The following CCDC85C variants were observed in gnomAD, a reference collection of about 807,000 sequenced individuals.
CCDC85C encodes coiled-coil domain containing 85C, also known as coiled-coil domain-containing protein 85C.
In CCDC85C, 18 loss-of-function variants were observed where a neutral mutation model predicts 38.3. The observed-to-expected ratio is 0.47, with a 90% confidence interval of 0.33 to 0.70. CCDC85C has a LOEUF of 0.70. Ranked by LOEUF, CCDC85C falls within the 30% of genes least tolerant of loss-of-function variation. The pLI, the probability that CCDC85C is intolerant of heterozygous loss-of-function variation, is 0.03. For missense variants in CCDC85C, 566 were observed against 621.2 expected, an observed-to-expected ratio of 0.91 and a Z score of 0.94; for synonymous variants, 264 against 293.8, an observed-to-expected ratio of 0.90 and a Z score of 1.04.
At chr14:99,530,617 C>G (rs1897474014) in intron 2 of CCDC85C, among the ~76,000 whole-genome samples, 1 of 152,240 alleles carries the variant, frequency 6.6e-6, no homozygotes, top group African/African-American at 2.4e-5. Context: ...GGACAAAGAG[C>G]AGCGGTTCCT....
In CCDC85C at chr14:99,572,645, A is replaced by AG; in HGVS notation, c.793+30521dup. 2.2e-6 allele frequency: 1 copy of AG among 455,506 alleles called. No individual in the cohort carries two copies. The highest frequency in any genetic ancestry group is 2.4e-5 in the Admixed American group (1 of 42,552). The allele number at this position is 455,506 out of a possible 1,614,324, so 28.2% of individuals were successfully genotyped here. A position where few individuals can be genotyped will look rare whatever the true frequency, so the allele number is the denominator to read the frequency against. On this transcript the variant is annotated intron_variant, in intron 1 of 5. Transcript: ENST00000380243. The surrounding 1 kb of genome is among the most constrained non-coding windows in gnomAD (Gnocchi z 4.4). ...AGGGACGACAGCTGCTTATCATCCA[A>AG]GCCCCAGGTGACCTGGCCCCTCCTT... is the stretch of plus-strand genomic sequence containing the variant.
In CCDC85C at chr14:99,516,575, C is replaced by T. The variant is rs534637087; in HGVS notation, c.1072-289G>A. ...CAGGTGGACTCACTGCAACCCAGGG[C>T]CCGCTGGAGATGAGTGGGCACTCGC... On this transcript the variant is annotated intron_variant, in intron 4 of 5. Coordinates refer to ENST00000380243, the MANE Select transcript of CCDC85C (RefSeq NM_001144995.2). This position sits in a 1 kb window ranked among gnomAD's most constrained non-coding sequence, Gnocchi z 5.5. Among the ~76,000 whole-genome samples the T allele has an allele frequency of 6.6e-6, 1 of 152,232 alleles. No individual in the cohort carries two copies. Among genetic ancestry groups the T allele is most frequent in the South Asian group, 2.1e-4 (1 of 4,820 alleles).
chr14:99,559,250 T>C (rs1473716500), intron 1 of CCDC85C, among the ~76,000 whole-genome samples: 1 of 151,724 alleles, frequency 6.6e-6, no homozygotes, highest in African/African-American at 2.4e-5. Context: ...CTGGCCCCGC[T>C]GACACCTTGA....
Position 99,501,611 on chromosome 14 carries a change from T to C in CCDC85C, c.*13635A>G. Reference sequence around the variant, plus strand: ...GAGGGTTTCCTTCTGCCCTGCCGTGTCATGGTGTTGTGAGGTGCTGAAATT... The same window carrying C: ...GAGGGTTTCCTTCTGCCCTGCCGTGCCATGGTGTTGTGAGGTGCTGAAATT... On this transcript the variant is annotated 3_prime_UTR_variant, in exon 6 of 6. Transcript: ENST00000380243. 1 of 569,148 alleles carries C rather than the reference T, an allele frequency of 1.8e-6. No individual in the cohort carries two copies. The allele number at this position is 569,148 out of a possible 1,614,324, so 35.3% of individuals were successfully genotyped here.
chr14:99,571,560 G>A (rs1898344219), intron 1 of CCDC85C, among the ~76,000 whole-genome samples: 1 of 152,228 alleles, frequency 6.6e-6, no homozygotes, highest in South Asian at 2.1e-4. Context: ...ACGTCTGCAG[G>A]GGAGCAGGCG....
chr14:99,553,848 G>A (rs192392349), intron 1 of CCDC85C, among the ~76,000 whole-genome samples: 4 of 152,166 alleles, frequency 2.6e-5, no homozygotes, highest in Non-Finnish European at 2.9e-5. Flanking sequence ...GTCCACCCAC[G>A]GGAACAGCTC....
In CCDC85C at chr14:99,536,017, G is replaced by C; in HGVS notation, c.865C>G (p.Gln289Glu). 6.4e-7 allele frequency: 1 copy of C among 1,551,216 alleles called. No homozygotes were observed. The highest frequency in any genetic ancestry group is 1.4e-5 in the African/African-American group (1 of 73,166). ...RLLEGDKLLA[Q>E]QAGSGEFRTL... ...AGCGCCACCCGAAGCCGGCCTACCT[G>C]TGCGAGGAGCTTGTCACCCTCCAGC... The change falls in exon 2 of 6, where the codon CAG (glutamine) becomes GAG (glutamate). Residue 289 changes from glutamine to glutamate, a missense_variant and splice_region_variant. By Grantham distance (29) the Gln-to-Glu change is conservative (BLOSUM62 2). This residue lies in a region of CCDC85C where 286 missense variants were observed against 276.4 expected (regional missense o/e 1.03). Transcript: ENST00000380243.
At chr14:99,568,322 G>A (rs921915679) in intron 1 of CCDC85C, among the ~76,000 whole-genome samples, 12 of 141,190 alleles carry the variant, frequency 8.5e-5, no homozygotes, top group African/African-American at 2.7e-4. Context: ...GCACGATCTC[G>A]GCTCACTATA....
At chr14:99,580,038 G>A (rs1168578550) in intron 1 of CCDC85C, 1 of 455,610 alleles carries the variant, frequency 2.2e-6, no homozygotes, top group Non-Finnish European at 4.4e-6. Flanking sequence ...TGAGTCACAT[G>A]GGCAGGGCTG....
At chr14:99,560,953 C>A (rs1183707768) in intron 1 of CCDC85C, among the ~76,000 whole-genome samples, 1 of 152,202 alleles carries the variant, frequency 6.6e-6, no homozygotes, top group Non-Finnish European at 1.5e-5. Context: ...GGAGCCTTGC[C>A]AGGGTAAAGC....
At position 99,501,302 on chromosome 14, in the gene CCDC85C, C is replaced by T; in HGVS notation, c.*13944G>A. The T allele has an allele frequency of 8.9e-7, 1 of 1,124,082 alleles. No homozygotes were observed. 69.6% of individuals were successfully genotyped at this position (1,124,082 alleles called of 1,614,324 possible). On this transcript the variant is annotated 3_prime_UTR_variant, in exon 6 of 6. Coordinates refer to ENST00000380243, the MANE Select transcript of CCDC85C (RefSeq NM_001144995.2). Reference sequence around the variant, plus strand: ...GTAGGTTTTTAATAAATACTTGATGCTGCCTGTGAATTTTTCTATTGCTAT... The same window carrying T: ...GTAGGTTTTTAATAAATACTTGATGTTGCCTGTGAATTTTTCTATTGCTAT...
In CCDC85C at chr14:99,513,853, T is replaced by C. The variant is rs1330002908; in HGVS notation, c.*1393A>G. The C allele has an allele frequency of 1.5e-4, 20 of 132,802 alleles. No homozygotes were observed. The highest frequency in any genetic ancestry group is 5.4e-4 in the African/African-American group (19 of 35,316). The allele number at this position is 132,802 out of a possible 1,614,324, so 8.2% of individuals were successfully genotyped here. ...GCTGCAGCTGTGGGATCAAAATCCC[T>C]GTCATGTGCCACACATCACCCCCTC... On this transcript the variant is annotated 3_prime_UTR_variant, in exon 6 of 6. Transcript: ENST00000380243.
intron 1 of CCDC85C, among the ~76,000 whole-genome samples, chr14:99,552,155 G>C (rs1897923950): frequency 1.3e-5 from 2 of 152,244 alleles, no homozygotes; most frequent in East Asian, 3.9e-4. Flanking sequence ...GGCCCGGCTA[G>C]CCTGCGCCCC....
intron 1 of CCDC85C, among the ~76,000 whole-genome samples, chr14:99,593,198 C>T (rs1418909784): frequency 6.6e-6 from 1 of 152,232 alleles, no homozygotes; most frequent in Admixed American, 6.5e-5. Flanking sequence ...GGGAGCACCG[C>T]GCTCAAAGGA....
intron 1 of CCDC85C, among the ~76,000 whole-genome samples, chr14:99,597,658 C>T (rs2055157449): frequency 1.3e-5 from 2 of 152,312 alleles, no homozygotes; most frequent in South Asian, 4.1e-4. Context: ...TAAGAGTTAT[C>T]TCCCCACACA....
rs996242468 is a variant in CCDC85C, at chr14:99,502,147, C to T, written c.*13099G>A. ...TGGTTAGTTATGGCATCTCCATGCA[C>T]TGGTTTAATCATAAATATTAGATCA... is the stretch of plus-strand genomic sequence containing the variant. On this transcript the variant is annotated 3_prime_UTR_variant, in exon 6 of 6. Coordinates refer to ENST00000380243, the MANE Select transcript of CCDC85C (RefSeq NM_001144995.2). 1.3e-6 allele frequency: 2 copies of T among 1,492,402 alleles called. No individual in the cohort carries two copies. Among genetic ancestry groups the T allele is most frequent in the East Asian group, 5.0e-5 (2 of 40,258 alleles). The allele number at this position is 1,492,402 out of a possible 1,614,324, so 92.4% of individuals were successfully genotyped here.
intron 2 of CCDC85C, among the ~76,000 whole-genome samples, chr14:99,525,412 G>C (rs1897365317): frequency 6.6e-6 from 1 of 152,206 alleles, no homozygotes; most frequent in Non-Finnish European, 1.5e-5. Flanking sequence ...CATGGAAACA[G>C]AGCCCACCCA....
chr14:99,515,406 C>T (rs1897206472), intron 5 of CCDC85C, 71 bp from the exon 6 acceptor site: 1 of 1,148,668 alleles, frequency 8.7e-7, no homozygotes, highest in Non-Finnish European at 1.3e-6. Flanking sequence ...ACATCCGCCG[C>T]CTCATCACGG....
rs77182825 is a variant in CCDC85C, at chr14:99,544,709, C to T, written c.794-8621G>A. On this transcript the variant is annotated intron_variant, in intron 1 of 5. Coordinates refer to ENST00000380243, the MANE Select transcript of CCDC85C (RefSeq NM_001144995.2). This position sits in a 1 kb window ranked among gnomAD's most constrained non-coding sequence, Gnocchi z 5.3. ...CATTATCCTTGACCCATCTCTCCTC[C>T]GAGACCTCGCCTCCAAGGGCACCAG... 0.039 allele frequency among the ~76,000 whole-genome samples: 5,906 copies of T among 152,244 alleles called. 176 individuals carry two copies. Among genetic ancestry groups the T allele is most frequent in the Non-Finnish European group, 0.061 (4,177 of 68,006 alleles).
Sources: gnomAD v4.1 joint callset for allele counts (sites outside exome capture counted in the v4.1 genomes callset) on GRCh38, gnomAD v4.1.1 for gene constraint, gnomAD v4.1.1 regional missense constraint, Gnocchi (gnomAD v3.1) non-coding constraint, MANE v1.5 for transcripts, NCBI Gene and HGNC (gene_info 2026-07-23, HGNC 2026-07-21) for gene names.